CHST11: variants seen among roughly 807,000 people sequenced by gnomAD.
CHST11 encodes carbohydrate sulfotransferase 11, also known as C4S-1.
Under a neutral mutation model 30.4 loss-of-function variants are expected in CHST11, and 9 were observed. The observed-to-expected ratio is 0.30, with a 90% CI of 0.18 to 0.52. The LOEUF (loss-of-function observed/expected upper bound fraction) is 0.52, where lower values mean the gene tolerates loss of function less well. CHST11 is among the 20% of genes least tolerant of loss of function. The pLI, the probability that CHST11 is intolerant of heterozygous loss-of-function variation, is 0.97. For missense variants in CHST11, 348 were observed against 460.6 expected, an observed-to-expected ratio of 0.76 and a Z score of 2.24; for synonymous variants, 152 against 187.8, an observed-to-expected ratio of 0.81 and a Z score of 1.56.
intron 1 of CHST11, among the ~76,000 whole-genome samples, chr12:104,554,345 A>G (rs955498568): frequency 5.3e-5 from 8 of 152,170 alleles, no homozygotes; most frequent in Non-Finnish European, 8.8e-5. Context: ...GCAAGGGCCA[A>G]GAGACAGGGG....
intron 2 of CHST11, among the ~76,000 whole-genome samples, chr12:104,661,026 A>G (rs1462558251): frequency 6.6e-6 from 1 of 152,164 alleles, no homozygotes; most frequent in Non-Finnish European, 1.5e-5. Context: ...GTCCACTTCC[A>G]GACTGCCATG....
intron 1 of CHST11, among the ~76,000 whole-genome samples, chr12:104,526,796 T>C (rs1361456848): frequency 6.6e-6 from 1 of 152,202 alleles, no homozygotes; most frequent in Non-Finnish European, 1.5e-5. Flanking sequence ...GAAGGGTTGC[T>C]TTGAGAACCC....
chr12:104,535,048 C>T (rs1363759108), intron 1 of CHST11, among the ~76,000 whole-genome samples: 2 of 152,216 alleles, frequency 1.3e-5, no homozygotes, highest in Non-Finnish European at 2.9e-5. Flanking sequence ...TAGAAGATGA[C>T]ATCATATGGG....
At chr12:104,525,875 AT>A (rs1241003554) in intron 1 of CHST11, among the ~76,000 whole-genome samples, 1 of 110,858 alleles carries the variant, frequency 9.0e-6, no homozygotes, top group African/African-American at 3.5e-5. Context: ...TATGATGCCG[AT>A]TTTTACCAAG....
At chr12:104,695,193 C>T (rs532949946) in intron 2 of CHST11, among the ~76,000 whole-genome samples, 1 of 152,306 alleles carries the variant, frequency 6.6e-6, no homozygotes, top group Non-Finnish European at 1.5e-5. Flanking sequence ...GTTGCCTTCC[C>T]AACTGGCTTG....
At chr12:104,714,550 G>T (rs965144002) in intron 2 of CHST11, among the ~76,000 whole-genome samples, 2 of 139,784 alleles carry the variant, frequency 1.4e-5, no homozygotes, top group Admixed American at 6.9e-5. Flanking sequence ...TTGTGGAGGT[G>T]GTGATGATGA....
intron 1 of CHST11, among the ~76,000 whole-genome samples, chr12:104,526,588 G>T (rs2038128368): frequency 6.6e-6 from 1 of 152,198 alleles, no homozygotes; most frequent in Admixed American, 6.5e-5. Flanking sequence ...GCTTGTTAGA[G>T]GGGGCTTGAT....
chr12:104,475,658 T>TTTTTTATATATATATATA (rs770441229), intron 1 of CHST11, among the ~76,000 whole-genome samples: 1 of 34,172 alleles, frequency 2.9e-5, no homozygotes, highest in African/African-American at 6.8e-5. Flanking sequence ...TAAAGCAGCA[T>TTTTTTATATATATATATA]TATATATATA....
chr12:104,522,185 T>C (rs563390353), intron 1 of CHST11, among the ~76,000 whole-genome samples: 8 of 152,342 alleles, frequency 5.3e-5, no homozygotes, highest in Middle Eastern at 3.4e-3. Context: ...AGGGGATTTT[T>C]CCACACAATT....
At chr12:104,737,265 G>A (rs1054207346) in intron 2 of CHST11, among the ~76,000 whole-genome samples, 2 of 152,236 alleles carry the variant, frequency 1.3e-5, no homozygotes, top group Non-Finnish European at 2.9e-5. Context: ...GAGGTCACAC[G>A]GGAGGTCATC....
chr12:104,716,650 A>G lies in CHST11; in HGVS notation c.205-40299A>G, dbSNP rs2040133796. On this transcript the variant is annotated intron_variant, in intron 2 of 2. Coordinates refer to ENST00000303694, the MANE Select transcript of CHST11 (RefSeq NM_018413.6). ...CAGGAAATATTTGCTGAATACATGA[A>G]GGATGCATGAGCAAACACATACGTG... Among the ~76,000 whole-genome samples, 3 of 152,214 alleles carry G rather than the reference A, an allele frequency of 2.0e-5. No homozygotes were observed. In the South Asian group the frequency reaches 6.2e-4, roughly 32 times the overall value.
chr12:104,527,488 C>A (rs1329895810), intron 1 of CHST11, among the ~76,000 whole-genome samples: 1 of 152,162 alleles, frequency 6.6e-6, no homozygotes, highest in African/African-American at 2.4e-5. Flanking sequence ...TCTAGGCTAC[C>A]TGCTCTGCGT....
intron 2 of CHST11, among the ~76,000 whole-genome samples, chr12:104,613,938 A>G (rs553034120): frequency 6.6e-6 from 1 of 152,350 alleles, no homozygotes; most frequent in East Asian, 1.9e-4. Context: ...AAGTTTCATT[A>G]GATAGAATGA....
At chr12:104,577,606 G>C (rs1019706448) in intron 1 of CHST11, among the ~76,000 whole-genome samples, 2 of 152,144 alleles carry the variant, frequency 1.3e-5, no homozygotes, top group Admixed American at 1.3e-4. Context: ...TTCTATTTCT[G>C]GGTGAAGCAG....
At chr12:104,594,754 C>G (rs953490712) in intron 1 of CHST11, among the ~76,000 whole-genome samples, 1 of 152,104 alleles carries the variant, frequency 6.6e-6, no homozygotes, top group African/African-American at 2.4e-5. Context: ...TGCAGGAGTT[C>G]AAGACCAGCC....
At chr12:104,683,137 T>C (rs892531403) in intron 2 of CHST11, among the ~76,000 whole-genome samples, 3 of 152,116 alleles carry the variant, frequency 2.0e-5, no homozygotes, top group East Asian at 3.9e-4. Context: ...TGGAGTATGA[T>C]TGGGCAGGGG....
At chr12:104,588,600 C>T (rs2038828090) in intron 1 of CHST11, among the ~76,000 whole-genome samples, 1 of 152,232 alleles carries the variant, frequency 6.6e-6, no homozygotes, top group African/African-American at 2.4e-5. Context: ...CTCGGGCTCA[C>T]AAACAGCTTT....
intron 2 of CHST11, among the ~76,000 whole-genome samples, chr12:104,616,076 G>A (rs1434266034): frequency 6.6e-6 from 1 of 152,292 alleles, no homozygotes; most frequent in South Asian, 2.1e-4. Flanking sequence ...TGTTACTCAG[G>A]CACAAAGGCA....
intron 2 of CHST11, among the ~76,000 whole-genome samples, chr12:104,712,847 G>A (rs919541474): frequency 6.6e-6 from 1 of 152,116 alleles, no homozygotes; most frequent in African/African-American, 2.4e-5. Flanking sequence ...GTTTGGCTGG[G>A]TAGTTCTCAT....
Sources: gnomAD v4.1 joint callset for allele counts (sites outside exome capture counted in the v4.1 genomes callset) on GRCh38, gnomAD v4.1.1 for gene constraint, MANE v1.5 for transcripts, NCBI Gene and HGNC (gene_info 2026-07-23, HGNC 2026-07-21) for gene names.